The following DCAF8L2 variants were observed in gnomAD, a reference collection of about 807,000 sequenced individuals.
DCAF8L2 encodes the protein DDB1- and CUL4-associated factor 8-like protein 2.
For missense variants in DCAF8L2, 430 were observed against 490.7 expected (o/e 0.88, Z 1.17); for synonymous variants, 200 against 190.9 (o/e 1.05, Z -0.39).
chrX:27,621,711 G>T (rs1927769340), intron 1 of DCAF8L2, among the ~76,000 whole-genome samples: 1 of 111,823 alleles, frequency 8.9e-6, no homozygotes, highest in Non-Finnish European at 1.9e-5. Flanking sequence ...TAAGATGCTG[G>T]GGCAGGCACT....
upstream of DCAF8L2, among the ~76,000 whole-genome samples, chrX:27,586,521 T>C (rs778026276): frequency 6.3e-5 from 7 of 111,457 alleles, no homozygotes; most frequent in East Asian, 1.7e-3. Context: ...TGGACAGCAA[T>C]TCCTCCAGGA....
the DCAF8L2 span, among the ~76,000 whole-genome samples, chrX:27,526,596 G>T: frequency 8.9e-6 from 1 of 112,431 alleles, no homozygotes; most frequent in Admixed American, 9.4e-5. Flanking sequence ...AGGGGGAGAG[G>T]TGCTCTGATT....
intron 4 of DCAF8L2, among the ~76,000 whole-genome samples, chrX:27,721,895 C>T (rs756948796): frequency 1.7e-4 from 19 of 111,740 alleles, no homozygotes; most frequent in Non-Finnish European, 3.0e-4. Flanking sequence ...ATAATGCCCT[C>T]CTCCCTGTGA....
At chrX:27,654,663 T>C (rs1929282486) in intron 2 of DCAF8L2, among the ~76,000 whole-genome samples, 1 of 111,731 alleles carries the variant, frequency 9.0e-6, no homozygotes, top group South Asian at 3.7e-4. Context: ...AGAAATATTC[T>C]ATATTGTATT....
At chrX:27,559,841 A>T in the DCAF8L2 span, among the ~76,000 whole-genome samples, 12 of 111,434 alleles carry the variant, frequency 1.1e-4, no homozygotes, top group Admixed American at 9.5e-4. Flanking sequence ...ACACATCTCT[A>T]CCTAACAACT....
the DCAF8L2 span, among the ~76,000 whole-genome samples, chrX:27,557,259 A>G: frequency 2.0e-3 from 226 of 112,484 alleles, no homozygotes; most frequent in Non-Finnish European, 3.7e-3. Flanking sequence ...TCTTGTTTTC[A>G]GGATCTGATC....
At chrX:27,673,794 A>G (rs1465750128) in intron 2 of DCAF8L2, among the ~76,000 whole-genome samples, 1 of 109,872 alleles carries the variant, frequency 9.1e-6, no homozygotes, top group Non-Finnish European at 1.9e-5. Flanking sequence ...ATTTTTCATA[A>G]CAACCCTTCA....
chrX:27,576,024 G>A, the DCAF8L2 span, among the ~76,000 whole-genome samples: 59 of 112,070 alleles, frequency 5.3e-4, no homozygotes, highest in Non-Finnish European at 1.5e-4. Flanking sequence ...ACACAAAATT[G>A]CCACAAGCAC....
intron 1 of DCAF8L2, among the ~76,000 whole-genome samples, chrX:27,610,676 G>C (rs751192569): frequency 9.8e-4 from 109 of 111,790 alleles, no homozygotes; most frequent in Non-Finnish European, 1.8e-3. Context: ...TACATCAAAA[G>C]CACTAACGCA....
the DCAF8L2 span, among the ~76,000 whole-genome samples, chrX:27,542,557 T>C: frequency 5.7e-5 from 5 of 88,275 alleles, no homozygotes; most frequent in African/African-American, 2.1e-4. Context: ...TTTTTTTTTT[T>C]TTTGAGATGG....
chrX:27,614,752 G>T (rs1402340341), intron 1 of DCAF8L2, among the ~76,000 whole-genome samples: 2 of 111,662 alleles, frequency 1.8e-5, no homozygotes, highest in Non-Finnish European at 3.8e-5. Flanking sequence ...TTTCCATGTA[G>T]TTGAGCGGTT....
chrX:27,635,763 C>T (rs891697431), intron 2 of DCAF8L2, among the ~76,000 whole-genome samples: 4 of 107,211 alleles, frequency 3.7e-5, no homozygotes, highest in Non-Finnish European at 7.7e-5. Flanking sequence ...CAACACCTAA[C>T]GTATGAAAGC....
intron 3 of DCAF8L2, among the ~76,000 whole-genome samples, chrX:27,705,554 G>A (rs1445261360): frequency 1.4e-5 from 1 of 72,364 alleles, no homozygotes; most frequent in African/African-American, 6.8e-5. Flanking sequence ...GTGATGCTGA[G>A]CTTTTTTTCA....
chrX:27,474,244 A>G, the DCAF8L2 span, among the ~76,000 whole-genome samples: 1 of 112,338 alleles, frequency 8.9e-6, no homozygotes, highest in African/African-American at 3.2e-5. Flanking sequence ...ACATTGCAAA[A>G]AGTGCAATGA....
chrX:27,675,540 C>T (rs995745913), intron 2 of DCAF8L2, among the ~76,000 whole-genome samples: 4 of 111,566 alleles, frequency 3.6e-5, no homozygotes, highest in African/African-American at 9.8e-5. Context: ...GTTGGTTAGC[C>T]GGTTGAAATT....
At chrX:27,517,428 A>G in the DCAF8L2 span, among the ~76,000 whole-genome samples, 1 of 110,527 alleles carries the variant, frequency 9.0e-6, no homozygotes, top group Admixed American at 9.7e-5. Context: ...TTATCATTTA[A>G]AATGTGCATA....
chrX:27,631,792 T>A (rs975823228), intron 1 of DCAF8L2, 87 bp from the exon 2 acceptor site: 1 of 112,172 alleles, frequency 8.9e-6, no homozygotes, highest in African/African-American at 3.2e-5. Context: ...ACCCTTTAAA[T>A]TCGTAGTAAA....
chrX:27,556,609 A>G, the DCAF8L2 span, among the ~76,000 whole-genome samples: 10 of 111,938 alleles, frequency 8.9e-5, no homozygotes, highest in African/African-American at 2.3e-4. Flanking sequence ...CTTCTCTATC[A>G]TAAAATTTTA....
the DCAF8L2 span, among the ~76,000 whole-genome samples, chrX:27,521,178 C>A: frequency 8.9e-6 from 1 of 111,948 alleles, no homozygotes; most frequent in African/African-American, 3.2e-5. Flanking sequence ...TGGCCATTAC[C>A]ACCATGTGAC....
Sources: gnomAD v4.1 joint callset for allele counts (sites outside exome capture counted in the v4.1 genomes callset) on GRCh38, gnomAD v4.1.1 for gene constraint, MANE v1.5 for transcripts, NCBI Gene and HGNC (gene_info 2026-07-23, HGNC 2026-07-21) for gene names.